Variants in MAP2K5 observed in about 807,000 individuals in gnomAD.
MAP2K5 encodes dual specificity mitogen-activated protein kinase kinase 5.
A neutral mutation model predicts 83.1 loss-of-function variants in MAP2K5; 49 were observed. That is an observed-to-expected ratio of 0.59 (90% CI 0.47 to 0.75). The LOEUF (loss-of-function observed/expected upper bound fraction) is 0.75, where lower values mean the gene tolerates loss of function less well. Ranked by LOEUF, MAP2K5 falls within the 30% of genes least tolerant of loss-of-function variation. The pLI is 0.00. For missense variants in MAP2K5, 457 were observed against 557.5 expected, an observed-to-expected ratio of 0.82 and a Z score of 1.82; for synonymous variants, 202 against 191.8, an observed-to-expected ratio of 1.05 and a Z score of -0.44.
chr15:67,726,589 AC>A (rs2089101360), intron 16 of MAP2K5, among the ~76,000 whole-genome samples: 1 of 152,206 alleles, frequency 6.6e-6, no homozygotes, highest in Admixed American at 6.5e-5. Flanking sequence ...TAAGCGCAGA[AC>A]TTCTCAAGAT....
intron 15 of MAP2K5, among the ~76,000 whole-genome samples, chr15:67,696,756 T>A (rs1567367554): frequency 6.6e-6 from 1 of 152,200 alleles, no homozygotes; most frequent in Non-Finnish European, 1.5e-5. Context: ...GGCAGGCAGA[T>A]CACCTGAGGT....
chr15:67,704,281 G>T (rs1183600269), intron 16 of MAP2K5, among the ~76,000 whole-genome samples: 1 of 152,144 alleles, frequency 6.6e-6, no homozygotes, highest in Non-Finnish European at 1.5e-5. Flanking sequence ...ATAGAGATAG[G>T]GTCTTGCCAT....
rs79225149 is a variant in MAP2K5 at position 67,685,287 on chromosome 15, T to A, written c.848-7192T>A. 2.8e-4 allele frequency among the ~76,000 whole-genome samples: 43 copies of A among 152,292 alleles called. 1 individual carries two copies. The East Asian group carries it at 7.9e-3, about 28-fold the overall frequency. Reference sequence around the variant, plus strand: ...GTCACAAGCTATGCAAGCCAGAAGATAATGGAAAGACGTCTTTAAAATGTT... The same window carrying A: ...GTCACAAGCTATGCAAGCCAGAAGAAAATGGAAAGACGTCTTTAAAATGTT... On this transcript the variant is annotated intron_variant, in intron 13 of 21. Coordinates refer to ENST00000178640, the MANE Select transcript of MAP2K5 (RefSeq NM_145160.3).
In MAP2K5 at chr15:67,750,386, T is replaced by C. The variant is rs1184385488; in HGVS notation, c.1134+1785T>C. Among the ~76,000 whole-genome samples, 1 of 152,212 alleles carries C rather than the reference T, an allele frequency of 6.6e-6. No homozygotes were observed. The highest frequency in any genetic ancestry group is 2.4e-5 in the African/African-American group (1 of 41,464). On this transcript the variant is annotated intron_variant, in intron 19 of 21. Transcript: ENST00000178640. The surrounding 1 kb of genome is among the most constrained non-coding windows in gnomAD (Gnocchi z 4.2). ...CTGCAATAAAAGTATTAGGAAAGGATTGGCCAGATGACCTGCCTTAGACAA... is the reference window on the plus strand; with the variant it reads ...CTGCAATAAAAGTATTAGGAAAGGACTGGCCAGATGACCTGCCTTAGACAA...
intron 8 of MAP2K5, among the ~76,000 whole-genome samples, chr15:67,618,120 A>T (rs2086096389): frequency 6.6e-6 from 1 of 152,236 alleles, no homozygotes; most frequent in Non-Finnish European, 1.5e-5. Flanking sequence ...TATGTATTGT[A>T]CTAGACTCAT....
intron 16 of MAP2K5, among the ~76,000 whole-genome samples, chr15:67,712,053 G>GT (rs1566938116): frequency 1.3e-5 from 2 of 152,184 alleles, no homozygotes; most frequent in African/African-American, 4.8e-5. Flanking sequence ...TGAGTGGAGC[G>GT]TTTTCTGGAG....
intron 13 of MAP2K5, among the ~76,000 whole-genome samples, chr15:67,683,452 C>G (rs748888311): frequency 2.0e-5 from 3 of 152,116 alleles, no homozygotes; most frequent in Non-Finnish European, 4.4e-5. Context: ...GAACAAAAGA[C>G]AAAAGCAAAC....
intron 8 of MAP2K5, among the ~76,000 whole-genome samples, chr15:67,610,030 T>A (rs2085882604): frequency 6.6e-6 from 1 of 152,062 alleles, no homozygotes; most frequent in African/African-American, 2.4e-5. Context: ...AAAGATAACG[T>A]TTGGAAGGGC....
chr15:67,600,598 T>G (rs2085635026), intron 7 of MAP2K5, 87 bp from the exon 8 acceptor site: 18 of 982,358 alleles, frequency 1.8e-5, no homozygotes, highest in Admixed American at 4.5e-5. Context: ...CCCAGACTGC[T>G]TGTTGTTTAT....
At chr15:67,613,913 A>G (rs1424573901) in intron 8 of MAP2K5, among the ~76,000 whole-genome samples, 3 of 152,180 alleles carry the variant, frequency 2.0e-5, no homozygotes, top group Non-Finnish European at 4.4e-5. Context: ...TTAGTGTTCT[A>G]GAAGAGGTAA....
intron 19 of MAP2K5, among the ~76,000 whole-genome samples, chr15:67,752,542 C>G (rs62015182): frequency 0.1 from 15,431 of 151,410 alleles, 865 homozygotes; most frequent in Admixed American, 0.11. Context: ...GCCGAGCCGG[C>G]TGGCAGGCAC....
Position 67,646,246 on chromosome 15 carries a change from A to G in MAP2K5, c.601A>G (p.Ile201Val). Residue 201 changes from isoleucine (I) to valine (V), a missense_variant, in exon 10 of 22, where the codon ATT (isoleucine) becomes GTT (valine). Transcript: ENST00000178640. ...CTATATTTAGGTCATACTACTAGAT[A>G]TTACACTGGAACTTCAGAAGCAAAT... ...ILAVKVILLD[I>V]TLELQKQIMS... The G allele has an allele frequency of 7.2e-7, 1 of 1,382,480 alleles. No homozygotes were observed. Among genetic ancestry groups the G allele is most frequent in the Non-Finnish European group, 1.0e-6 (1 of 985,926 alleles). The allele number at this position is 1,382,480 out of a possible 1,614,324, so 85.6% of individuals were successfully genotyped here. A position where few individuals can be genotyped will look rare whatever the true frequency, so the allele number is the denominator to read the frequency against.
chr15:67,803,894 A>G lies in MAP2K5; in HGVS notation c.1243-2752A>G, dbSNP rs190061409. Among the ~76,000 whole-genome samples the G allele has an allele frequency of 6.6e-5, 10 of 152,346 alleles. No homozygotes were observed. The East Asian group carries it at 1.9e-3, about 29-fold the overall frequency. ...GAGCCCAGGGCAGTGGGTTTGGGTT[A>G]CAGACTTGTGGTTCAGTCCCATGTC... On this transcript the variant is annotated intron_variant, in intron 21 of 21. Coordinates refer to ENST00000178640, the MANE Select transcript of MAP2K5 (RefSeq NM_145160.3).
chr15:67,786,189 GT>G lies in MAP2K5; in HGVS notation c.1242+13440del, dbSNP rs1233412817. 6.6e-6 allele frequency among the ~76,000 whole-genome samples: 1 copy of G among 152,022 alleles called. No individual in the cohort carries two copies. Among genetic ancestry groups the G allele is most frequent in the East Asian group, 1.9e-4 (1 of 5,198 alleles). On this transcript the variant is annotated intron_variant, in intron 21 of 21. Coordinates refer to ENST00000178640, the MANE Select transcript of MAP2K5 (RefSeq NM_145160.3). The surrounding 1 kb of genome is among the most constrained non-coding windows in gnomAD (Gnocchi z 4.7). ...TTGTTGCCTCTTGGAAGATACATGT[GT>G]TTAGGGAAGTTTAATGTGACTTAGA... is the stretch of plus-strand genomic sequence containing the variant.
intron 4 of MAP2K5, among the ~76,000 whole-genome samples, chr15:67,582,436 G>A (rs1011945249): frequency 2.6e-5 from 4 of 152,144 alleles, no homozygotes; most frequent in Non-Finnish European, 4.4e-5. Flanking sequence ...TTCACAAGGA[G>A]TAGTATTTTA....
chr15:67,556,550 CT>C lies in MAP2K5; in HGVS notation c.184+6471del, dbSNP rs1175129353. Among the ~76,000 whole-genome samples, 35 of 104,410 alleles carry C rather than the reference CT, an allele frequency of 3.4e-4. No individual in the cohort carries two copies. The South Asian group carries it at 0.011, about 33-fold the overall frequency. The allele number at this position is 104,410 out of a possible 152,430, so 68.5% of individuals were successfully genotyped here. On this transcript the variant is annotated intron_variant, in intron 2 of 21. Transcript: ENST00000178640. ...ATTTGTTTATTTTTCTTTTTCTTTT[CT>C]TTCTTTTTTTTTTTTTTTGAGATGG...
At position 67,748,361 on chromosome 15, in the gene MAP2K5, G is replaced by C. The variant is rs2089649500; in HGVS notation, c.1101+104G>C. 9.4e-7 allele frequency: 1 copy of C among 1,067,936 alleles called. No homozygotes were observed. Among genetic ancestry groups the C allele is most frequent in the Non-Finnish European group, 1.4e-6 (1 of 703,480 alleles). 66.2% of individuals were successfully genotyped at this position (1,067,936 alleles called of 1,614,324 possible). A position where few individuals can be genotyped will look rare whatever the true frequency, so the allele number is the denominator to read the frequency against. Reference sequence around the variant, plus strand: ...TTTTAAACTTAGCAAATTGCATTTTGAAGAAAATGCAAACCTTTAACTGCC... The same window carrying C: ...TTTTAAACTTAGCAAATTGCATTTTCAAGAAAATGCAAACCTTTAACTGCC... On this transcript the variant is annotated intron_variant, in intron 18 of 21. Transcript: ENST00000178640. The surrounding 1 kb of genome is among the most constrained non-coding windows in gnomAD (Gnocchi z 4.0).
At chr15:67,718,466 A>T (rs76005918) in intron 16 of MAP2K5, among the ~76,000 whole-genome samples, 4 of 152,256 alleles carry the variant, frequency 2.6e-5, no homozygotes, top group East Asian at 1.9e-4. Flanking sequence ...AATCATTTTT[A>T]AAAAATTTTT....
chr15:67,552,056 G>T lies in MAP2K5; in HGVS notation c.184+1974G>T, dbSNP rs1052018441. 5.3e-5 allele frequency among the ~76,000 whole-genome samples: 8 copies of T among 152,044 alleles called. No individual in the cohort carries two copies. The highest frequency in any genetic ancestry group is 2.6e-4 in the Admixed American group (4 of 15,264). On this transcript the variant is annotated intron_variant, in intron 2 of 21. Coordinates refer to ENST00000178640, the MANE Select transcript of MAP2K5 (RefSeq NM_145160.3). This position sits in a 1 kb window ranked among gnomAD's most constrained non-coding sequence, Gnocchi z 4.2. The stretch of plus-strand genomic sequence containing the variant: ...GACTTACCCTGTAAAGTGGACTTGG[G>T]GCCTGAGGCTTGGGTTGGTGGGGGC...
Sources: allele counts gnomAD v4.1 joint callset (sites outside exome capture counted in the v4.1 genomes callset), GRCh38; gene constraint gnomAD v4.1.1; non-coding constraint Gnocchi (gnomAD v3.1); transcripts MANE v1.5; gene names NCBI Gene and HGNC (gene_info 2026-07-23, HGNC 2026-07-21).